KIF1A: variants seen among roughly 807,000 people sequenced by gnomAD.
KIF1A encodes kinesin family member 1A.
KIF1A carries 46 observed loss-of-function variants against 227.3 expected under a neutral mutation model. The observed-to-expected ratio is 0.20, with a 90% confidence interval of 0.16 to 0.26. The LOEUF is 0.26. KIF1A is among the 10% of genes least tolerant of loss of function. The pLI, the probability that KIF1A is intolerant of heterozygous loss-of-function variation, is 1.00. For missense variants in KIF1A, 1,683 were observed against 2,485.9 expected (o/e 0.68, Z 6.87); for synonymous variants, 1,022 against 1,012.8 (o/e 1.01, Z -0.17).
At chr2:240,807,344 T>C (rs140558397) in intron 1 of KIF1A, among the ~76,000 whole-genome samples, 223 of 152,214 alleles carry the variant, frequency 1.5e-3, no homozygotes, top group Non-Finnish European at 2.5e-3. Flanking sequence ...GGTTTCTCCA[T>C]GTTGGTCAGG....
At chr2:240,747,189 G>C (rs2048703006) in intron 29 of KIF1A, 47 bp downstream of exon 29, 2 of 1,446,764 alleles carry the variant, frequency 1.4e-6, no homozygotes, top group African/African-American at 2.8e-5. Context: ...GGACTCCAGT[G>C]AGCGCCAGGC....
In KIF1A at chr2:240,741,404, T is replaced by C. The variant is rs150687841; in HGVS notation, c.3641-27A>G. ...TGTAGGGACAGGAGGGAGGCATGCA[T>C]GGATGGGAGACCTGACCTATCACGT... is the stretch of plus-strand genomic sequence containing the variant. On this transcript the variant is annotated intron_variant, in intron 34 of 48. Coordinates refer to ENST00000498729, the MANE Select transcript of KIF1A (RefSeq NM_001244008.2). 22,165 of 1,487,506 alleles carry C rather than the reference T, an allele frequency of 0.015. 220 individuals carry two copies. The highest frequency in any genetic ancestry group is 0.025 in the South Asian group (1,973 of 77,986). The allele number at this position is 1,487,506 out of a possible 1,614,324, so 92.1% of individuals were successfully genotyped here.
intron 17 of KIF1A, 142 bp downstream of exon 17, chr2:240,768,991 G>A: frequency 1.4e-6 from 1 of 711,112 alleles, no homozygotes; most frequent in Non-Finnish European, 2.5e-6. Context: ...GACTATGGGT[G>A]AGCTTCACAG....
At chr2:240,731,975 G>T (rs1575536632) in intron 38 of KIF1A, among the ~76,000 whole-genome samples, 1 of 124,248 alleles carries the variant, frequency 8.0e-6, no homozygotes, top group African/African-American at 3.0e-5. Context: ...GAGGAGACTA[G>T]GAGAGGAGCC....
chr2:240,801,671 T>C (rs1236875529), intron 1 of KIF1A, among the ~76,000 whole-genome samples: 1 of 152,178 alleles, frequency 6.6e-6, no homozygotes, highest in Non-Finnish European at 1.5e-5. Flanking sequence ...GATTAGGTCA[T>C]GAGGGTGGGG....
chr2:240,779,392 A>T (rs1472964949), intron 10 of KIF1A, among the ~76,000 whole-genome samples: 6 of 140,076 alleles, frequency 4.3e-5, no homozygotes, highest in Non-Finnish European at 6.0e-5. Context: ...TCATAGTTCC[A>T]CACTCAGTTC....
chr2:240,743,095 C>T, intron 33 of KIF1A, 111 bp from the exon 34 acceptor site: 1 of 828,228 alleles, frequency 1.2e-6, no homozygotes, highest in Non-Finnish European at 1.8e-6. Flanking sequence ...CTCCCACCCT[C>T]TCTTCTCCAA....
At chr2:240,761,641 C>G (rs1425180545) in intron 23 of KIF1A, among the ~76,000 whole-genome samples, 1 of 152,198 alleles carries the variant, frequency 6.6e-6, no homozygotes, top group African/African-American at 2.4e-5. Context: ...GCTGGGAGAG[C>G]TCTGTGCTTG....
chr2:240,771,490 C>A (rs2051982560), intron 14 of KIF1A, among the ~76,000 whole-genome samples: 1 of 152,166 alleles, frequency 6.6e-6, no homozygotes, highest in African/African-American at 2.4e-5. Flanking sequence ...AGGCTTCTTG[C>A]TTTCCCACAG....
chr2:240,719,623 C>G, intron 46 of KIF1A, 151 bp downstream of exon 46: 2 of 928,044 alleles, frequency 2.2e-6, no homozygotes, highest in Non-Finnish European at 3.1e-6. Context: ...CAGGGGCAGC[C>G]TGCCTGAACC....
At chr2:240,747,160 T>C in intron 29 of KIF1A, 76 bp downstream of exon 29, 1 of 1,074,946 alleles carries the variant, frequency 9.3e-7, no homozygotes, top group Non-Finnish European at 1.4e-6. Context: ...ACAGGGGTGT[T>C]AGAGGAGCAA....
intron 1 of KIF1A, among the ~76,000 whole-genome samples, chr2:240,806,818 CA>C (rs940127369): frequency 3.9e-5 from 6 of 151,956 alleles, no homozygotes; most frequent in East Asian, 1.9e-4. Context: ...AATCTACCCA[CA>C]AAAAAAGGCA....
chr2:240,739,287 T>C lies in KIF1A; in HGVS notation c.3901+771A>G, dbSNP rs1422199483. On this transcript the variant is annotated intron_variant, in intron 37 of 48. Coordinates refer to ENST00000498729, the MANE Select transcript of KIF1A (RefSeq NM_001244008.2). The surrounding 1 kb of genome is among the most constrained non-coding windows in gnomAD (Gnocchi z 5.6). ...ATGGATGACTGTCTGCCTCCTTGAA[T>C]GAAAACTGAGAAGACAAATTCTTTC... is the stretch of plus-strand genomic sequence containing the variant. Among the ~76,000 whole-genome samples, 1 of 152,110 alleles carries C rather than the reference T, an allele frequency of 6.6e-6. No homozygotes were observed. Among genetic ancestry groups the C allele is most frequent in the African/African-American group, 2.4e-5 (1 of 41,414 alleles).
chr2:240,767,137 A>C, intron 18 of KIF1A, 116 bp from the exon 19 acceptor site: 2 of 1,117,722 alleles, frequency 1.8e-6, no homozygotes, highest in South Asian at 1.4e-5. Context: ...CAGCGCAGAC[A>C]TCAGTGGGGT....
chr2:240,807,133 TATA>T, intron 1 of KIF1A, among the ~76,000 whole-genome samples: 1 of 36,084 alleles, frequency 2.8e-5, no homozygotes, highest in African/African-American at 1.7e-4. Flanking sequence ...TGTGTGTGTA[TATA>T]TATATATATA....
intron 18 of KIF1A, 78 bp from the exon 19 acceptor site, chr2:240,767,099 G>A: frequency 5.6e-6 from 7 of 1,242,130 alleles, no homozygotes; most frequent in Non-Finnish European, 8.0e-6. Flanking sequence ...CTCCAGGGAC[G>A]CCCAACCAGG....
chr2:240,812,845 G>T (rs867142635), intron 1 of KIF1A, among the ~76,000 whole-genome samples: 24 of 147,188 alleles, frequency 1.6e-4, no homozygotes, highest in African/African-American at 6.1e-4. Context: ...TCACCTCGGG[G>T]ATCTGCCTTC....
intron 44 of KIF1A, 26 bp from the exon 45 acceptor site, chr2:240,721,064 G>A (rs902989315): frequency 6.2e-6 from 10 of 1,610,474 alleles, no homozygotes; most frequent in South Asian, 4.4e-5. Context: ...CTTTTTCAGG[G>A]GACACAGGGA....
chr2:240,781,912 C>A (rs2126040500), intron 10 of KIF1A: 2 of 985,432 alleles, frequency 2.0e-6, no homozygotes, highest in South Asian at 4.7e-5. Context: ...ACGGGCCGCA[C>A]AGCTCTTCAC....
Sources: gnomAD v4.1 joint callset for allele counts (sites outside exome capture counted in the v4.1 genomes callset) on GRCh38, gnomAD v4.1.1 for gene constraint, Gnocchi (gnomAD v3.1) non-coding constraint, MANE v1.5 for transcripts, NCBI Gene and HGNC (gene_info 2026-07-23, HGNC 2026-07-21) for gene names.